Variants in EPS15L1 observed in about 807,000 individuals in gnomAD.
EPS15L1 encodes the protein epidermal growth factor receptor substrate 15-like 1.
EPS15L1 carries 43 observed loss-of-function variants against 117.1 expected under a neutral mutation model. The ratio of observed to expected loss-of-function variants is 0.37; its 90% confidence interval spans 0.29 to 0.47. The LOEUF is 0.47. Ranked by LOEUF, EPS15L1 falls within the 20% of genes least tolerant of loss-of-function variation. The pLI is 0.99. For missense variants in EPS15L1, 981 were observed against 1,164.0 expected, an observed-to-expected ratio of 0.84 and a Z score of 2.29; for synonymous variants, 459 against 470.5, an observed-to-expected ratio of 0.98 and a Z score of 0.32.
chr19:16,368,272 C>T (rs1056109339), intron 22 of EPS15L1, among the ~76,000 whole-genome samples: 7 of 152,150 alleles, frequency 4.6e-5, no homozygotes, highest in African/African-American at 1.7e-4. Flanking sequence ...ACACAAGCAT[C>T]ACTGATCCTA....
chr19:16,417,490 TAAC>T, intron 12 of EPS15L1, 59 bp downstream of exon 12: 3 of 1,392,502 alleles, frequency 2.2e-6, no homozygotes, highest in South Asian at 2.3e-5. Context: ...ATATTTCCGA[TAAC>T]AACCTGGGAG....
intron 16 of EPS15L1, among the ~76,000 whole-genome samples, chr19:16,395,939 T>TAG: frequency 1.8e-5 from 1 of 55,450 alleles, no homozygotes. Context: ...AGTGAGTCTA[T>TAG]CTCAAAAAAA....
At chr19:16,394,099 C>A (rs999616770) in intron 17 of EPS15L1, 98 bp from the exon 18 acceptor site, 1 of 989,998 alleles carries the variant, frequency 1.0e-6, no homozygotes, top group African/African-American at 1.6e-5. Flanking sequence ...CTTTCATTGC[C>A]TTCTACTCCT....
At chr19:16,449,639 T>C (rs1309452067) in intron 1 of EPS15L1, among the ~76,000 whole-genome samples, 2 of 152,148 alleles carry the variant, frequency 1.3e-5, no homozygotes, top group African/African-American at 4.8e-5. Flanking sequence ...AACCAGCAAC[T>C]GTCCTGGGCA....
chr19:16,451,340 A>G (rs535295119), intron 1 of EPS15L1, among the ~76,000 whole-genome samples: 2 of 152,312 alleles, frequency 1.3e-5, no homozygotes, highest in Admixed American at 6.5e-5. Context: ...CCTAATGACC[A>G]AATGCAAGGT....
intron 1 of EPS15L1, 80 bp from the exon 2 acceptor site, chr19:16,442,299 C>A: frequency 3.6e-6 from 4 of 1,100,828 alleles, no homozygotes; most frequent in South Asian, 1.3e-5. Context: ...TCAATTTTGT[C>A]ATGACCAAAA....
At chr19:16,400,400 G>A (rs916511395) in intron 16 of EPS15L1, among the ~76,000 whole-genome samples, 1 of 149,686 alleles carries the variant, frequency 6.7e-6, no homozygotes, top group Non-Finnish European at 1.5e-5. Flanking sequence ...AAGTCACACT[G>A]CGTGAGCTTC....
chr19:16,364,336 G>A (rs1428665399), intron 22 of EPS15L1, among the ~76,000 whole-genome samples: 1 of 152,244 alleles, frequency 6.6e-6, no homozygotes, highest in Non-Finnish European at 1.5e-5. Context: ...GGGCAGGACA[G>A]GAATGTGGCC....
At chr19:16,358,490 C>T (rs2092011458) in intron 23 of EPS15L1, among the ~76,000 whole-genome samples, 1 of 152,230 alleles carries the variant, frequency 6.6e-6, no homozygotes, top group Non-Finnish European at 1.5e-5. Flanking sequence ...GGGAAACACA[C>T]TGGCTCTGAT....
intron 22 of EPS15L1, among the ~76,000 whole-genome samples, chr19:16,362,457 G>A (rs1389079700): frequency 6.7e-6 from 1 of 148,910 alleles, no homozygotes; most frequent in Non-Finnish European, 1.5e-5. Context: ...ATGGTTATTC[G>A]GTGTGTTAGT....
intron 14 of EPS15L1, 60 bp from the exon 15 acceptor site, chr19:16,403,990 C>G: frequency 1.4e-6 from 2 of 1,456,912 alleles, no homozygotes; most frequent in Non-Finnish European, 9.4e-7. Flanking sequence ...AATGGGACTC[C>G]GAGAAAGAAC....
intron 21 of EPS15L1, among the ~76,000 whole-genome samples, chr19:16,380,564 A>C (rs1194273236): frequency 3.3e-5 from 5 of 152,044 alleles, no homozygotes; most frequent in South Asian, 2.1e-4. Context: ...GTGGCCATCT[A>C]AGGCTCCAGG....
chr19:16,394,986 G>T (rs1195290994), intron 17 of EPS15L1, among the ~76,000 whole-genome samples: 1 of 152,052 alleles, frequency 6.6e-6, no homozygotes, highest in Non-Finnish European at 1.5e-5. Flanking sequence ...TTGTGGGGCT[G>T]AGGCGGGTGG....
chr19:16,380,057 G>A (rs1041965887), intron 21 of EPS15L1, among the ~76,000 whole-genome samples: 8 of 152,106 alleles, frequency 5.3e-5, no homozygotes, highest in Middle Eastern at 3.2e-3. Flanking sequence ...AAGCTCCAGT[G>A]TCTAGTCACA....
At chr19:16,425,971 T>G (rs921311492) in intron 8 of EPS15L1, among the ~76,000 whole-genome samples, 2 of 152,224 alleles carry the variant, frequency 1.3e-5, no homozygotes, top group Non-Finnish European at 2.9e-5. Context: ...ATCATCATAA[T>G]TAATCTTGCC....
chr19:16,386,144 G>A, intron 20 of EPS15L1, 27 bp downstream of exon 20: 1 of 1,574,594 alleles, frequency 6.4e-7, no homozygotes, highest in Non-Finnish European at 8.7e-7. Flanking sequence ...GGAATAGTCA[G>A]GAAGAAAAAT....
rs1371887968 is a variant in EPS15L1 at position 16,376,001 on chromosome 19, G to A, written c.2380+1121C>T. Among the ~76,000 whole-genome samples, 14 of 152,348 alleles carry A rather than the reference G, an allele frequency of 9.2e-5. No individual in the cohort carries two copies. In the East Asian group the frequency reaches 2.1e-3, roughly 23 times the overall value. On this transcript the variant is annotated intron_variant, in intron 22 of 23. Coordinates refer to ENST00000455140, the MANE Select transcript of EPS15L1 (RefSeq NM_001258374.3). Reference sequence around the variant, plus strand: ...CTGCTAGGTCCATTCCAGGACCTGCGATGACACAGGGGCTGCAAAGTGAGG... The same window carrying A: ...CTGCTAGGTCCATTCCAGGACCTGCAATGACACAGGGGCTGCAAAGTGAGG...
intron 1 of EPS15L1, among the ~76,000 whole-genome samples, chr19:16,464,923 C>CA (rs1218620708): frequency 6.6e-6 from 1 of 151,940 alleles, no homozygotes; most frequent in Non-Finnish European, 1.5e-5. Flanking sequence ...ACTAAAAATA[C>CA]AAAAAATTAG....
intron 23 of EPS15L1, among the ~76,000 whole-genome samples, chr19:16,358,565 G>A (rs956997061): frequency 2.6e-5 from 4 of 152,128 alleles, no homozygotes; most frequent in Non-Finnish European, 5.9e-5. Context: ...CACCCTAGCC[G>A]AGGCCTGCCC....
Sources: gnomAD v4.1 joint callset for allele counts (sites outside exome capture counted in the v4.1 genomes callset) on GRCh38, gnomAD v4.1.1 for gene constraint, MANE v1.5 for transcripts, NCBI Gene and HGNC (gene_info 2026-07-23, HGNC 2026-07-21) for gene names.